Variants in ZNF577 observed in about 807,000 individuals in gnomAD.
The protein encoded by ZNF577 is zinc finger protein 577.
Under a neutral mutation model 13.9 loss-of-function variants are expected in ZNF577, and 14 were observed. That is an observed-to-expected ratio of 1.00 (90% CI 0.66 to 1.57). The LOEUF (loss-of-function observed/expected upper bound fraction) is 1.57, where lower values mean the gene tolerates loss of function less well. Ranked by LOEUF, ZNF577 falls within the 40% of genes most tolerant of loss-of-function variation. The pLI is 0.00. For synonymous variants in ZNF577, 203 were observed against 202.9 expected (o/e 1.00, Z 0.00); for missense variants, 555 against 579.2 (o/e 0.96, Z 0.43).
At chr19:51,847,149 A>G (rs1445131443) in intron 5 of ZNF577, among the ~76,000 whole-genome samples, 2 of 152,240 alleles carry the variant, frequency 1.3e-5, no homozygotes, top group Non-Finnish European at 2.9e-5. Flanking sequence ...ACACATGCAC[A>G]CACATAGCAT....
chr19:51,877,392 T>C lies in ZNF577; in HGVS notation c.188-15A>G. On this transcript the variant is annotated splice_polypyrimidine_tract_variant and intron_variant, in intron 4 of 5. Transcript: ENST00000638348. ...GCCTCGATACCCTGTAAATGGGAGA[T>C]CACTGAACACTTGGCACGTGTGCTT... The C allele has an allele frequency of 6.2e-7, 1 of 1,608,332 alleles. No individual in the cohort carries two copies. Among genetic ancestry groups the C allele is most frequent in the Non-Finnish European group, 8.5e-7 (1 of 1,174,920 alleles).
In ZNF577 at chr19:51,867,342, G is replaced by A. The variant is rs1265750439; in HGVS notation, c.*5190C>T. Among the ~76,000 whole-genome samples, 1 of 152,096 alleles carries A rather than the reference G, an allele frequency of 6.6e-6. No individual in the cohort carries two copies. The highest frequency in any genetic ancestry group is 1.5e-5 in the Non-Finnish European group (1 of 68,018). On this transcript the variant is annotated 3_prime_UTR_variant, in exon 6 of 6. Coordinates refer to ENST00000638348, the MANE Select transcript of ZNF577 (RefSeq NM_001370449.1). ...GATATCATTTCTAAGGTATGATCTA[G>A]ATATTGTCTTTTCTGATTCTGAACA... is the stretch of plus-strand genomic sequence containing the variant.
intron 5 of ZNF577, among the ~76,000 whole-genome samples, chr19:51,852,588 T>C (rs2122567275): frequency 7.4e-6 from 1 of 135,056 alleles, no homozygotes; most frequent in South Asian, 2.7e-4. Context: ...GGGCAGATTC[T>C]AGGTCTACCT....
chr19:51,821,076 G>A (rs1477405088), intron 9 of ZNF577, among the ~76,000 whole-genome samples: 1 of 152,216 alleles, frequency 6.6e-6, no homozygotes, highest in Non-Finnish European at 1.5e-5. Context: ...ACAGCCTGGT[G>A]AGGACCAGAA....
intron 5 of ZNF577, among the ~76,000 whole-genome samples, chr19:51,848,824 AT>A (rs1568439635): frequency 6.6e-6 from 1 of 152,174 alleles, no homozygotes; most frequent in African/African-American, 2.4e-5. Context: ...ATTTGCTAAT[AT>A]TTTGTAAGGA....
At chr19:51,814,788 C>T (rs903972534) in intron 9 of ZNF577, among the ~76,000 whole-genome samples, 2 of 148,824 alleles carry the variant, frequency 1.3e-5, no homozygotes, top group African/African-American at 5.0e-5. Flanking sequence ...CCACTGCACT[C>T]GGCCTAAAAA....
intron 9 of ZNF577, among the ~76,000 whole-genome samples, chr19:51,820,668 G>C (rs2084181767): frequency 6.6e-6 from 1 of 152,204 alleles, no homozygotes; most frequent in Non-Finnish European, 1.5e-5. Flanking sequence ...GAAAATCTGA[G>C]TCTGTTGAGG....
chr19:51,863,418 G>A (rs2084525508), downstream of ZNF577, among the ~76,000 whole-genome samples: 1 of 152,154 alleles, frequency 6.6e-6, no homozygotes, highest in South Asian at 2.1e-4. Flanking sequence ...AGTAAGCTCT[G>A]TATTTTAAAT....
At chr19:51,830,327 G>T (rs1041016760) in intron 9 of ZNF577, among the ~76,000 whole-genome samples, 1 of 152,036 alleles carries the variant, frequency 6.6e-6, no homozygotes, top group Non-Finnish European at 1.5e-5. Flanking sequence ...TGTACCACAC[G>T]CGTCCTCCTG....
Position 51,869,405 on chromosome 19 carries a change from A to G in ZNF577, c.*3127T>C, listed in dbSNP as rs2084618147. Among the ~76,000 whole-genome samples, 3 of 152,004 alleles carry G rather than the reference A, an allele frequency of 2.0e-5. No homozygotes were observed. The highest frequency in any genetic ancestry group is 1.5e-5 in the Non-Finnish European group (1 of 67,990). ...ATCGAGGCACAGCACCTTTCCTTAA[A>G]CTTATTTATGACACAGAGTCCTTCG... On this transcript the variant is annotated 3_prime_UTR_variant, in exon 6 of 6. Coordinates refer to ENST00000638348, the MANE Select transcript of ZNF577 (RefSeq NM_001370449.1).
chr19:51,864,090 T>C (rs891646550), downstream of ZNF577, among the ~76,000 whole-genome samples: 1 of 152,174 alleles, frequency 6.6e-6, no homozygotes, highest in African/African-American at 2.4e-5. Flanking sequence ...ACATCCTGTG[T>C]GTATGTTTAT....
At chr19:51,821,211 G>A (rs1019122314) in intron 9 of ZNF577, among the ~76,000 whole-genome samples, 9 of 152,162 alleles carry the variant, frequency 5.9e-5, no homozygotes, top group Admixed American at 2.6e-4. Flanking sequence ...AGAAAACTGA[G>A]GCTCAAAGAG....
At chr19:51,810,199 T>C (rs1268732074) in intron 10 of ZNF577, among the ~76,000 whole-genome samples, 1 of 152,220 alleles carries the variant, frequency 6.6e-6, no homozygotes, top group Admixed American at 6.5e-5. Flanking sequence ...CTTGCGCTAA[T>C]ATTGCAAAGT....
chr19:51,812,478 A>G (rs73566116), intron 9 of ZNF577, among the ~76,000 whole-genome samples: 1,653 of 152,316 alleles, frequency 0.011, 23 homozygotes, highest in African/African-American at 0.037. Flanking sequence ...TGCTAATACT[A>G]TTCAATCAAG....
intron 5 of ZNF577, among the ~76,000 whole-genome samples, chr19:51,876,983 G>A (rs2084775475): frequency 6.6e-6 from 1 of 150,614 alleles, no homozygotes; most frequent in Admixed American, 6.6e-5. Context: ...GAATTTCAAA[G>A]CAAGTAAGGA....
In ZNF577 at chr19:51,877,308, C is replaced by G. The variant is rs137865319; in HGVS notation, c.257G>C (p.Gly86Ala). ...EQGEPPGIAE[G>A]AAHSQICPGF... is the part of the protein sequence containing the mutation. The stretch of plus-strand genomic sequence containing the variant: ...TGGACAGATTTGACTGTGGGCTGCT[C>G]CTTCTGCTATCCCTGGGGGTTCTCC... The change falls in exon 5 of 6, where the codon GGA becomes GCA. Residue 86 changes from glycine to alanine, a missense_variant. Coordinates refer to ENST00000638348, the MANE Select transcript of ZNF577 (RefSeq NM_001370449.1). 11 of 1,613,946 alleles carry G rather than the reference C, an allele frequency of 6.8e-6. No individual in the cohort carries two copies. Among genetic ancestry groups the G allele is most frequent in the Admixed American group, 1.7e-5 (1 of 60,000 alleles).
intron 9 of ZNF577, chr19:51,825,628 C>T (rs1362252336): frequency 2.4e-5 from 4 of 167,262 alleles, no homozygotes; most frequent in Admixed American, 1.3e-4. Context: ...CAACATACAT[C>T]TTAATACCAG....
downstream of ZNF577, among the ~76,000 whole-genome samples, chr19:51,867,023 A>C (rs1482976467): frequency 6.6e-6 from 1 of 152,070 alleles, no homozygotes; most frequent in Non-Finnish European, 1.5e-5. Context: ...GAAGAAAGAA[A>C]AGAAAGAATC....
chr19:51,837,808 T>G (rs721890), intron 9 of ZNF577, among the ~76,000 whole-genome samples: 58,830 of 151,988 alleles, frequency 0.39, 11,608 homozygotes, highest in South Asian at 0.48. Context: ...ATATTTATAG[T>G]CCATTTTCAT....
Sources: gnomAD v4.1 joint callset for allele counts (sites outside exome capture counted in the v4.1 genomes callset) on GRCh38, gnomAD v4.1.1 for gene constraint, MANE v1.5 for transcripts, NCBI Gene and HGNC (gene_info 2026-07-23, HGNC 2026-07-21) for gene names.